Variants in CENPW observed in about 807,000 individuals in gnomAD.
CENPW encodes the protein centromere protein W.
Under a neutral mutation model 11.1 loss-of-function variants are expected in CENPW, and 3 were observed. That is an observed-to-expected ratio of 0.27 (90% CI 0.12 to 0.70). The LOEUF (loss-of-function observed/expected upper bound fraction) is 0.70. Ranked by LOEUF, CENPW falls within the 30% of genes least tolerant of loss-of-function variation. The probability of loss-of-function intolerance (pLI) is 0.77; values close to 1 mark genes in which losing one functional copy is unlikely to be tolerated. For missense variants in CENPW, 100 were observed against 105.6 expected, an observed-to-expected ratio of 0.95 and a Z score of 0.23; for synonymous variants, 38 against 42.0, an observed-to-expected ratio of 0.91 and a Z score of 0.37.
chr6:126,483,317 A>G, the CENPW span, among the ~76,000 whole-genome samples: 2 of 151,892 alleles, frequency 1.3e-5, no homozygotes, highest in African/African-American at 4.8e-5. Context: ...GATAATTGAT[A>G]TTATTTCCTT....
At chr6:126,434,191 T>C in the CENPW span, among the ~76,000 whole-genome samples, 1 of 152,138 alleles carries the variant, frequency 6.6e-6, no homozygotes, top group Admixed American at 6.6e-5. Context: ...ATGGTAGTGC[T>C]ATCCAACACT....
At chr6:126,378,871 AAAGC>A in the CENPW span, among the ~76,000 whole-genome samples, 1 of 152,230 alleles carries the variant, frequency 6.6e-6, no homozygotes, top group Non-Finnish European at 1.5e-5. Context: ...TCTAAATAAA[AAAGC>A]AAGAAAGATT....
At chr6:126,404,084 T>C in the CENPW span, among the ~76,000 whole-genome samples, 1 of 152,090 alleles carries the variant, frequency 6.6e-6, no homozygotes, top group Non-Finnish European at 1.5e-5. Context: ...TGATGACACA[T>C]CTGTTGACAG....
chr6:126,471,242 A>T, the CENPW span, among the ~76,000 whole-genome samples: 1 of 152,124 alleles, frequency 6.6e-6, no homozygotes, highest in Non-Finnish European at 1.5e-5. Context: ...TTCTTATGAT[A>T]GTGAGGTAGT....
At chr6:126,474,785 C>A in the CENPW span, among the ~76,000 whole-genome samples, 6 of 152,218 alleles carry the variant, frequency 3.9e-5, no homozygotes, top group South Asian at 1.2e-3. Context: ...GGTGGAACAT[C>A]AAGATTTCTA....
chr6:126,376,041 A>G, the CENPW span, among the ~76,000 whole-genome samples: 3 of 152,198 alleles, frequency 2.0e-5, no homozygotes, highest in Admixed American at 6.5e-5. Context: ...GAATATATCA[A>G]TAAACATGAC....
the CENPW span, among the ~76,000 whole-genome samples, chr6:126,388,302 G>T: frequency 4.3e-3 from 658 of 152,028 alleles, 19 homozygotes; most frequent in East Asian, 0.063. Context: ...GCTTTTGGCC[G>T]TGCTCTTGTA....
At chr6:126,462,528 TCTCTCA>T in the CENPW span, among the ~76,000 whole-genome samples, 4 of 147,764 alleles carry the variant, frequency 2.7e-5, no homozygotes, top group African/African-American at 7.6e-5. Context: ...TCTCTCTCTC[TCTCTCA>T]CACACACACA....
chr6:126,425,544 TCTTATGA>T, the CENPW span, among the ~76,000 whole-genome samples: 1 of 152,084 alleles, frequency 6.6e-6, no homozygotes, highest in Non-Finnish European at 1.5e-5. Context: ...GGCCAAAGAC[TCTTATGA>T]AATTGTCAAA....
chr6:126,394,140 A>G, the CENPW span, among the ~76,000 whole-genome samples: 1 of 151,934 alleles, frequency 6.6e-6, no homozygotes, highest in Non-Finnish European at 1.5e-5. Flanking sequence ...GCAATTATTG[A>G]TAAGTAAGGA....
the CENPW span, among the ~76,000 whole-genome samples, chr6:126,457,568 C>T: frequency 6.6e-6 from 1 of 151,124 alleles, no homozygotes; most frequent in South Asian, 2.1e-4. Flanking sequence ...TGTAATCATT[C>T]TGCTAATAGC....
At chr6:126,467,913 C>T in the CENPW span, among the ~76,000 whole-genome samples, 4 of 152,018 alleles carry the variant, frequency 2.6e-5, no homozygotes, top group Non-Finnish European at 5.9e-5. Context: ...TGAAAATTGT[C>T]CTTTACCTGT....
the CENPW span, among the ~76,000 whole-genome samples, chr6:126,468,650 A>C: frequency 6.6e-6 from 1 of 152,074 alleles, no homozygotes; most frequent in African/African-American, 2.4e-5. Flanking sequence ...TGCAGGGTGC[A>C]TGGAAACTCT....
At chr6:126,344,180 T>C (rs574713193) in intron 1 of CENPW, among the ~76,000 whole-genome samples, 15 of 152,292 alleles carry the variant, frequency 9.8e-5, no homozygotes, top group African/African-American at 3.6e-4. Flanking sequence ...TTAGAGTACA[T>C]TGAGGAAGAC....
the CENPW span, among the ~76,000 whole-genome samples, chr6:126,451,516 T>C: frequency 6.6e-6 from 1 of 151,054 alleles, no homozygotes; most frequent in African/African-American, 2.4e-5. Context: ...AGAAAGATAA[T>C]ATAAGATTCT....
intron 1 of CENPW, among the ~76,000 whole-genome samples, chr6:126,341,385 T>C (rs145025417): frequency 1.1e-3 from 175 of 152,272 alleles, no homozygotes; most frequent in Non-Finnish European, 1.9e-3. Flanking sequence ...TTAAACGACA[T>C]TGGTTTTTCT....
the CENPW span, among the ~76,000 whole-genome samples, chr6:126,435,656 A>G: frequency 3.3e-5 from 5 of 151,866 alleles, no homozygotes; most frequent in African/African-American, 7.2e-5. Flanking sequence ...TATGTAATTA[A>G]TTTTCTCAGA....
chr6:126,402,308 TTC>T, the CENPW span, among the ~76,000 whole-genome samples: 1 of 151,430 alleles, frequency 6.6e-6, no homozygotes, highest in Non-Finnish European at 1.5e-5. Flanking sequence ...TTCCTCTCCC[TTC>T]TCTCTCCTCC....
the CENPW span, among the ~76,000 whole-genome samples, chr6:126,375,680 T>C: frequency 1.3e-5 from 2 of 152,116 alleles, no homozygotes; most frequent in African/African-American, 2.4e-5. Flanking sequence ...TTTTCTCTCC[T>C]ATTTTACTTC....
Sources: allele counts gnomAD v4.1 joint callset (sites outside exome capture counted in the v4.1 genomes callset), GRCh38; gene constraint gnomAD v4.1.1; transcripts MANE v1.5; gene names NCBI Gene and HGNC (gene_info 2026-07-23, HGNC 2026-07-21).